ERBB4: variants seen among roughly 807,000 people sequenced by gnomAD.
The protein encoded by ERBB4 is erb-b2 receptor tyrosine kinase 4.
Under a neutral mutation model 158.0 loss-of-function variants are expected in ERBB4, and 42 were observed. That is an observed-to-expected ratio of 0.27 (90% CI 0.21 to 0.34). The LOEUF (loss-of-function observed/expected upper bound fraction) is 0.34. Among genes scored for constraint, ERBB4 ranks in the 10% least tolerant of loss-of-function variants. The pLI, the probability that ERBB4 is intolerant of heterozygous loss-of-function variation, is 1.00. For synonymous variants in ERBB4, 583 were observed against 558.7 expected, an observed-to-expected ratio of 1.04 and a Z score of -0.61; for missense variants, 1,333 against 1,624.1, an observed-to-expected ratio of 0.82 and a Z score of 3.08.
chr2:211,411,756 T>C (rs2063267559), intron 25 of ERBB4, among the ~76,000 whole-genome samples: 1 of 152,172 alleles, frequency 6.6e-6, no homozygotes, highest in South Asian at 2.1e-4. Context: ...TTATATATCA[T>C]TTGAAGAGAG....
At chr2:212,509,555 T>C (rs1286246770) in intron 1 of ERBB4, among the ~76,000 whole-genome samples, 2 of 152,028 alleles carry the variant, frequency 1.3e-5, no homozygotes, top group East Asian at 1.9e-4. Context: ...TATTAAGAAT[T>C]ACCTGTAAAT....
chr2:211,620,854 C>A (rs551582378), intron 18 of ERBB4, among the ~76,000 whole-genome samples: 2 of 152,270 alleles, frequency 1.3e-5, no homozygotes, highest in South Asian at 4.1e-4. Flanking sequence ...GTGGCTCATC[C>A]CACCACTTTG....
At chr2:212,422,933 C>T (rs1477836044) in intron 1 of ERBB4, among the ~76,000 whole-genome samples, 1 of 152,104 alleles carries the variant, frequency 6.6e-6, no homozygotes, top group East Asian at 1.9e-4. Context: ...TCAGTCATTG[C>T]TAACAGCTGG....
intron 3 of ERBB4, among the ~76,000 whole-genome samples, chr2:211,825,607 T>C (rs1012529676): frequency 2.2e-4 from 34 of 151,574 alleles, no homozygotes; most frequent in Non-Finnish European, 1.5e-5. Flanking sequence ...CTATGTGCTA[T>C]GTGCTTTGAA....
At chr2:212,365,339 A>G (rs1020733439) in intron 1 of ERBB4, among the ~76,000 whole-genome samples, 2 of 151,748 alleles carry the variant, frequency 1.3e-5, no homozygotes, top group African/African-American at 4.8e-5. Context: ...ATATATCCCC[A>G]TTTAGAAGAA....
At chr2:212,236,905 TTCAAAAAATCACCTCC>T (rs1410425634) in intron 1 of ERBB4, among the ~76,000 whole-genome samples, 2 of 152,172 alleles carry the variant, frequency 1.3e-5, no homozygotes, top group African/African-American at 4.8e-5. Context: ...TGTTAACCTT[TTCAAAAAATCACCTCC>T]TGGATTCATT....
At chr2:212,054,589 T>C (rs2077496332) in intron 2 of ERBB4, among the ~76,000 whole-genome samples, 1 of 152,180 alleles carries the variant, frequency 6.6e-6, no homozygotes, top group South Asian at 2.1e-4. Flanking sequence ...TCCCAGGCCA[T>C]CTTCACCAAA....
chr2:211,526,292 AAG>A (rs376733023), intron 20 of ERBB4, among the ~76,000 whole-genome samples: 1 of 152,078 alleles, frequency 6.6e-6, no homozygotes, highest in Non-Finnish European at 1.5e-5. Flanking sequence ...GACAAAAAAC[AAG>A]AGTCTCTGCC....
chr2:212,329,423 T>C (rs1208241199), intron 1 of ERBB4, among the ~76,000 whole-genome samples: 1 of 152,108 alleles, frequency 6.6e-6, no homozygotes, highest in Non-Finnish European at 1.5e-5. Flanking sequence ...TATGATAAAG[T>C]ATGAAAGTTC....
intron 1 of ERBB4, among the ~76,000 whole-genome samples, chr2:212,203,284 A>G (rs62182596): frequency 0.17 from 26,293 of 151,982 alleles, 2,573 homozygotes; most frequent in Non-Finnish European, 0.21. Flanking sequence ...GAAATTAGCT[A>G]TACAGGTGTA....
intron 1 of ERBB4, among the ~76,000 whole-genome samples, chr2:212,143,675 A>G (rs923156534): frequency 2.6e-5 from 4 of 152,148 alleles, no homozygotes; most frequent in Non-Finnish European, 2.9e-5. Context: ...AATATCTTCA[A>G]TGGACTCTAC....
chr2:211,567,044 C>G (rs2067570354), intron 19 of ERBB4, among the ~76,000 whole-genome samples: 1 of 152,170 alleles, frequency 6.6e-6, no homozygotes, highest in South Asian at 2.1e-4. Flanking sequence ...TTCTATAATC[C>G]ATTGCAAAAG....
intron 1 of ERBB4, among the ~76,000 whole-genome samples, chr2:212,405,667 T>A (rs1314566247): frequency 2.0e-5 from 3 of 152,120 alleles, no homozygotes; most frequent in African/African-American, 7.2e-5. Flanking sequence ...TCACAATTAA[T>A]CATGCACATC....
chr2:211,599,071 C>T (rs1002888897), intron 19 of ERBB4, among the ~76,000 whole-genome samples: 2 of 152,314 alleles, frequency 1.3e-5, no homozygotes, highest in East Asian at 1.9e-4. Context: ...GGTCCTAATA[C>T]ACTGACTGTT....
chr2:212,292,089 T>G (rs1183406845), intron 1 of ERBB4, among the ~76,000 whole-genome samples: 3 of 151,928 alleles, frequency 2.0e-5, no homozygotes, highest in African/African-American at 7.2e-5. Flanking sequence ...TTTTTTTAAA[T>G]TTTTTTCTGA....
intron 2 of ERBB4, among the ~76,000 whole-genome samples, chr2:212,107,515 T>C (rs2079267451): frequency 6.6e-6 from 1 of 152,212 alleles, no homozygotes; most frequent in Non-Finnish European, 1.5e-5. Flanking sequence ...GGGACTTGCC[T>C]TGTCTCAGAT....
intron 1 of ERBB4, among the ~76,000 whole-genome samples, chr2:212,302,165 C>A (rs952337370): frequency 1.3e-5 from 2 of 151,156 alleles, no homozygotes; most frequent in African/African-American, 4.8e-5. Flanking sequence ...CTCAGTTTAC[C>A]CATTTGTATT....
At chr2:211,420,004 A>C (rs1030178861) in intron 25 of ERBB4, among the ~76,000 whole-genome samples, 1 of 151,992 alleles carries the variant, frequency 6.6e-6, no homozygotes, top group Admixed American at 6.6e-5. Flanking sequence ...AAAATATTTA[A>C]TTTTTCTTAA....
chr2:212,489,146 A>G (rs1690135439), intron 1 of ERBB4, among the ~76,000 whole-genome samples: 1 of 151,888 alleles, frequency 6.6e-6, no homozygotes, highest in Admixed American at 6.6e-5. Context: ...TAAGTATAAA[A>G]TAAGACAGAA....
Sources: allele counts gnomAD v4.1 joint callset (sites outside exome capture counted in the v4.1 genomes callset), GRCh38; gene constraint gnomAD v4.1.1; transcripts MANE v1.5; gene names NCBI Gene and HGNC (gene_info 2026-07-23, HGNC 2026-07-21).